Variants in NAALADL2 observed in about 807,000 individuals in gnomAD.
NAALADL2 encodes inactive N-acetylated-alpha-linked acidic dipeptidase-like protein 2.
Under a neutral mutation model 87.2 loss-of-function variants are expected in NAALADL2, and 76 were observed. The ratio of observed to expected loss-of-function variants is 0.87; its 90% CI spans 0.72 to 1.05. The LOEUF (loss-of-function observed/expected upper bound fraction) is 1.05. NAALADL2 is among the 50% of genes least tolerant of loss of function. The probability of loss-of-function intolerance (pLI) is 0.00; values close to 1 mark genes in which losing one functional copy is unlikely to be tolerated. For synonymous variants in NAALADL2, 354 were observed against 331.0 expected (o/e 1.07, Z -0.75); for missense variants, 1,089 against 945.8 (o/e 1.15, Z -1.99).
chr3:174,816,339 T>A lies in NAALADL2; in HGVS notation c.-9+78593T>A, dbSNP rs76977291. 7.0e-3 allele frequency among the ~76,000 whole-genome samples: 1,056 copies of A among 151,448 alleles called. 12 individuals carry two copies. Among genetic ancestry groups the A allele is most frequent in the African/African-American group, 0.024 (1,010 of 41,372 alleles). ...TGTATAATGCTCTCTCAAAGAATTT[T>A]ATGTGGATTTGTGCTGTCTTGGGAG... is the stretch of plus-strand genomic sequence containing the variant. On this transcript the variant is annotated intron_variant, in intron 3 of 3. Transcript: ENST00000434257.
chr3:175,710,711 TAGAA>T (rs145509193), intron 11 of NAALADL2, among the ~76,000 whole-genome samples: 7,538 of 151,746 alleles, frequency 0.05, 200 homozygotes, highest in Non-Finnish European at 0.065. Context: ...TATATCTACA[TAGAA>T]AGACATATGT....
At chr3:174,818,033 G>A (rs1186655415) in intron 3 of NAALADL2, among the ~76,000 whole-genome samples, 2 of 152,018 alleles carry the variant, frequency 1.3e-5, no homozygotes, top group African/African-American at 4.8e-5. Context: ...TTCTTCATCT[G>A]ATAACCCATT....
At chr3:175,052,117 C>A (rs780017409) in intron 1 of NAALADL2, among the ~76,000 whole-genome samples, 1 of 152,178 alleles carries the variant, frequency 6.6e-6, no homozygotes, top group Non-Finnish European at 1.5e-5. Flanking sequence ...TAGAAGTATT[C>A]CTTATGGGAA....
chr3:174,771,582 T>C (rs577413), intron 3 of NAALADL2, among the ~76,000 whole-genome samples: 80,081 of 151,900 alleles, frequency 0.53, 21,492 homozygotes, highest in Middle Eastern at 0.64. Flanking sequence ...ATGCACATCG[T>C]AGAAAGAAGT....
chr3:174,945,786 G>A (rs983518799), intron 1 of NAALADL2, among the ~76,000 whole-genome samples: 5 of 152,068 alleles, frequency 3.3e-5, no homozygotes, highest in Admixed American at 2.0e-4. Flanking sequence ...GGTGGCTCAC[G>A]CCTGTAATCC....
chr3:175,373,303 G>A (rs1455637367), intron 5 of NAALADL2, among the ~76,000 whole-genome samples: 1 of 152,126 alleles, frequency 6.6e-6, no homozygotes, highest in African/African-American at 2.4e-5. Flanking sequence ...TTTATCTTAT[G>A]TTCCTTTTCT....
intron 2 of NAALADL2, among the ~76,000 whole-genome samples, chr3:175,161,142 G>C (rs1019579287): frequency 4.6e-5 from 7 of 152,042 alleles, no homozygotes; most frequent in African/African-American, 1.7e-4. Flanking sequence ...GAGTTTGGTT[G>C]TGTCTGTTCT....
chr3:174,561,201 CTTTTTTTT>C (rs200957982), intron 2 of NAALADL2, among the ~76,000 whole-genome samples: 16 of 130,728 alleles, frequency 1.2e-4, no homozygotes, highest in Non-Finnish European at 1.5e-4. Flanking sequence ...AATAGGATTC[CTTTTTTTT>C]TTTTTTTTTT....
chr3:175,428,477 T>A (rs1717194521), intron 5 of NAALADL2, among the ~76,000 whole-genome samples: 1 of 152,066 alleles, frequency 6.6e-6, no homozygotes, highest in African/African-American at 2.4e-5. Flanking sequence ...TCTGAGTGGC[T>A]AGTTGGAGGA....
chr3:175,786,529 G>C (rs370708809), intron 13 of NAALADL2, among the ~76,000 whole-genome samples: 1 of 151,942 alleles, frequency 6.6e-6, no homozygotes, highest in African/African-American at 2.4e-5. Context: ...CGTAGTTCTC[G>C]AGCCTTGGTT....
chr3:175,324,028 C>CAACAA (rs1760333407), intron 4 of NAALADL2, 147 bp from the exon 5 acceptor site: 8 of 436,838 alleles, frequency 1.8e-5, no homozygotes, highest in Non-Finnish European at 3.7e-6. Flanking sequence ...AAAAAACAAA[C>CAACAA]AAAAAAAAAA....
intron 1 of NAALADL2, among the ~76,000 whole-genome samples, chr3:175,000,237 G>A (rs895741651): frequency 6.6e-6 from 1 of 152,108 alleles, no homozygotes; most frequent in Non-Finnish European, 1.5e-5. Context: ...AAGAAAGACC[G>A]ATCAATAATT....
chr3:174,818,638 C>T (rs1375454518), intron 3 of NAALADL2, among the ~76,000 whole-genome samples: 4 of 152,232 alleles, frequency 2.6e-5, no homozygotes, highest in East Asian at 3.9e-4. Flanking sequence ...GGAATTTGCA[C>T]GCCCTAAGAA....
intron 1 of NAALADL2, among the ~76,000 whole-genome samples, chr3:174,939,915 TGAGG>T (rs1052192554): frequency 4.6e-5 from 7 of 152,126 alleles, no homozygotes; most frequent in Admixed American, 4.6e-4. Flanking sequence ...CCCAAGACTA[TGAGG>T]GTTTCTGGAT....
chr3:175,700,613 G>A (rs1314065931), intron 11 of NAALADL2, among the ~76,000 whole-genome samples: 1 of 151,996 alleles, frequency 6.6e-6, no homozygotes, highest in Non-Finnish European at 1.5e-5. Context: ...GCTTACAGGA[G>A]GCTGTATGAA....
intron 10 of NAALADL2, among the ~76,000 whole-genome samples, chr3:175,581,887 C>G (rs1719838171): frequency 6.6e-6 from 1 of 152,162 alleles, no homozygotes; most frequent in Non-Finnish European, 1.5e-5. Context: ...ACATCTTATT[C>G]AAAGATTTGA....
At chr3:175,390,735 T>C (rs1164257509) in intron 5 of NAALADL2, among the ~76,000 whole-genome samples, 1 of 152,180 alleles carries the variant, frequency 6.6e-6, no homozygotes, top group Non-Finnish European at 1.5e-5. Context: ...AACATAAATT[T>C]CTTTTGCAAA....
chr3:175,624,791 CAT>C (rs1282952941), intron 10 of NAALADL2, among the ~76,000 whole-genome samples: 1 of 151,916 alleles, frequency 6.6e-6, no homozygotes, highest in Admixed American at 6.6e-5. Context: ...AGACTGAAAA[CAT>C]ATCTGGATTA....
intron 5 of NAALADL2, among the ~76,000 whole-genome samples, chr3:175,338,131 G>A (rs968208513): frequency 6.6e-6 from 1 of 152,076 alleles, no homozygotes; most frequent in Non-Finnish European, 1.5e-5. Flanking sequence ...CATGCTTTAG[G>A]AAGTCGTGGG....
Sources: gnomAD v4.1 joint callset for allele counts (sites outside exome capture counted in the v4.1 genomes callset) on GRCh38, gnomAD v4.1.1 for gene constraint, MANE v1.5 for transcripts, NCBI Gene and HGNC (gene_info 2026-07-23, HGNC 2026-07-21) for gene names.